BCKDHB: variants seen among roughly 807,000 people sequenced by gnomAD.
The protein encoded by BCKDHB is branched chain keto acid dehydrogenase E1 subunit beta.
Under a neutral mutation model 48.5 loss-of-function variants are expected in BCKDHB, and 41 were observed. The observed-to-expected ratio is 0.85, with a 90% CI of 0.66 to 1.10. The LOEUF (loss-of-function observed/expected upper bound fraction) is 1.10. BCKDHB is among the 50% of genes least tolerant of loss of function. The pLI is 0.00. For synonymous variants in BCKDHB, 201 were observed against 174.8 expected, an observed-to-expected ratio of 1.15 and a Z score of -1.18; for missense variants, 496 against 494.2, an observed-to-expected ratio of 1.00 and a Z score of -0.03.
chr6:80,296,632 T>C (rs771748727), intron 9 of BCKDHB, among the ~76,000 whole-genome samples: 5 of 152,316 alleles, frequency 3.3e-5, no homozygotes, highest in Non-Finnish European at 7.3e-5. Flanking sequence ...AATAGTCTCA[T>C]AAACCTTTTA....
At chr6:80,392,689 A>G in the BCKDHB span, among the ~76,000 whole-genome samples, 1 of 151,482 alleles carries the variant, frequency 6.6e-6, no homozygotes, top group Non-Finnish European at 1.5e-5. Context: ...TCAGAGATAT[A>G]CTTTTTCTGT....
At chr6:80,169,377 T>C (rs952057039) in intron 5 of BCKDHB, among the ~76,000 whole-genome samples, 1 of 152,214 alleles carries the variant, frequency 6.6e-6, no homozygotes, top group Admixed American at 6.5e-5. Context: ...ACTTAACTGA[T>C]GATGGGGTGA....
rs371518124 is a variant in BCKDHB at position 80,168,906 on chromosome 6, G to A, written c.509G>A (p.Arg170His). 3.8e-5 allele frequency: 61 copies of A among 1,613,930 alleles called. No homozygotes were observed. Among genetic ancestry groups the A allele is most frequent in the Non-Finnish European group, 4.7e-5 (55 of 1,179,996 alleles). Residue 170 changes from arginine (R) to histidine (H), a missense_variant, in exon 5 of 10, where the codon CGC becomes CAC. Coordinates refer to ENST00000320393, the MANE Select transcript of BCKDHB (RefSeq NM_183050.4). ...AATGAAGCTGCCAAGTATCGCTATCGCTCTGGGGATCTTTTTAACTGTGGA... is the reference window on the plus strand; with the variant it reads ...AATGAAGCTGCCAAGTATCGCTATCACTCTGGGGATCTTTTTAACTGTGGA... ...IVNEAAKYRY[R>H]SGDLFNCGSL... is the part of the protein sequence containing the mutation.
At chr6:80,165,689 C>T (rs916473227) in intron 3 of BCKDHB, among the ~76,000 whole-genome samples, 12 of 152,056 alleles carry the variant, frequency 7.9e-5, no homozygotes, top group Non-Finnish European at 4.4e-5. Flanking sequence ...TTGAATTATA[C>T]GCTAATAAAA....
chr6:80,423,816 G>A, the BCKDHB span, among the ~76,000 whole-genome samples: 1 of 152,106 alleles, frequency 6.6e-6, no homozygotes, highest in Non-Finnish European at 1.5e-5. Flanking sequence ...TTATGTATGG[G>A]TACTGCTTGC....
At chr6:80,138,164 G>A (rs1250304260) in intron 3 of BCKDHB, among the ~76,000 whole-genome samples, 1 of 152,054 alleles carries the variant, frequency 6.6e-6, no homozygotes. Context: ...AGGTGGAGTT[G>A]CTCAGTGGCA....
chr6:80,166,161 A>T (rs62406054), intron 3 of BCKDHB, among the ~76,000 whole-genome samples: 86 of 152,238 alleles, frequency 5.6e-4, no homozygotes, highest in Admixed American at 3.2e-3. Flanking sequence ...GCCTTTAAAT[A>T]GTTGTTTGTT....
At chr6:80,114,717 A>T (rs1239108832) in intron 1 of BCKDHB, among the ~76,000 whole-genome samples, 1 of 152,206 alleles carries the variant, frequency 6.6e-6, no homozygotes, top group Non-Finnish European at 1.5e-5. Context: ...TTGGGAGCCG[A>T]CACAAGAATT....
At chr6:80,394,499 G>A in the BCKDHB span, among the ~76,000 whole-genome samples, 2 of 151,418 alleles carry the variant, frequency 1.3e-5, no homozygotes, top group African/African-American at 4.8e-5. Context: ...TGCATCTCCT[G>A]TGCTCCATTG....
intron 9 of BCKDHB, among the ~76,000 whole-genome samples, chr6:80,289,274 G>A (rs575712142): frequency 6.6e-6 from 1 of 152,192 alleles, no homozygotes; most frequent in African/African-American, 2.4e-5. Context: ...TTGATTCCAT[G>A]AGTACTTTAC....
intron 9 of BCKDHB, among the ~76,000 whole-genome samples, chr6:80,316,751 C>A (rs1345213384): frequency 6.6e-6 from 1 of 152,160 alleles, no homozygotes; most frequent in Non-Finnish European, 1.5e-5. Flanking sequence ...TTCCCTGCAG[C>A]CTGAACATTG....
chr6:80,343,457 G>T, intron 9 of BCKDHB: 1 of 600,954 alleles, frequency 1.7e-6, no homozygotes, highest in Non-Finnish European at 2.9e-6. Flanking sequence ...GGTATAAAAT[G>T]CATATGCATA....
intron 9 of BCKDHB, among the ~76,000 whole-genome samples, chr6:80,285,857 C>T (rs749319903): frequency 3.3e-5 from 5 of 151,938 alleles, no homozygotes; most frequent in Admixed American, 1.3e-4. Flanking sequence ...AGATGATACT[C>T]ATTAAAAATA....
chr6:80,140,487 G>T (rs574207760), intron 3 of BCKDHB, among the ~76,000 whole-genome samples: 1 of 152,004 alleles, frequency 6.6e-6, no homozygotes, highest in Non-Finnish European at 1.5e-5. Context: ...CATGAATACC[G>T]AATTTATTGT....
At chr6:80,290,026 A>T (rs904405959) in intron 9 of BCKDHB, among the ~76,000 whole-genome samples, 8 of 152,198 alleles carry the variant, frequency 5.3e-5, no homozygotes, top group African/African-American at 1.9e-4. Flanking sequence ...AGTGCACAGC[A>T]CAGCCCCTGC....
rs535695929 is a variant in BCKDHB, at chr6:80,129,669, AG to A, written c.343+441del. Among the ~76,000 whole-genome samples, 264 of 152,076 alleles carry A rather than the reference AG, an allele frequency of 1.7e-3. 1 individual carries two copies. Among genetic ancestry groups the A allele is most frequent in the African/African-American group, 6.0e-3 (250 of 41,460 alleles). On this transcript the variant is annotated intron_variant, in intron 3 of 9. Coordinates refer to ENST00000320393, the MANE Select transcript of BCKDHB (RefSeq NM_183050.4). ...AGTTTTTAAGGAACTGGCTCATGTG[AG>A]TTTAGTTTTAAGGAACTGGCTGGCA...
chr6:80,348,358 G>C (rs1388330488), downstream of BCKDHB, among the ~76,000 whole-genome samples: 1 of 152,116 alleles, frequency 6.6e-6, no homozygotes, highest in Non-Finnish European at 1.5e-5. Flanking sequence ...TTTCTCATCA[G>C]CTTGCCTAGA....
the BCKDHB span, among the ~76,000 whole-genome samples, chr6:80,410,600 T>C: frequency 2.0e-5 from 3 of 152,234 alleles, no homozygotes; most frequent in Non-Finnish European, 4.4e-5. Flanking sequence ...GTAGATTTGG[T>C]CTTTTCACAT....
At chr6:80,250,712 G>A (rs1298109519) in intron 8 of BCKDHB, among the ~76,000 whole-genome samples, 2 of 152,132 alleles carry the variant, frequency 1.3e-5, no homozygotes, top group African/African-American at 4.8e-5. Flanking sequence ...GGGGAAGATG[G>A]AGTGACTATC....
Sources: allele counts gnomAD v4.1 joint callset (sites outside exome capture counted in the v4.1 genomes callset), GRCh38; gene constraint gnomAD v4.1.1; transcripts MANE v1.5; gene names NCBI Gene and HGNC (gene_info 2026-07-23, HGNC 2026-07-21).